The following CAMTA1 variants were observed in gnomAD, a reference collection of about 807,000 sequenced individuals.
CAMTA1 encodes calmodulin-binding transcription activator 1.
Under a neutral mutation model 170.9 loss-of-function variants are expected in CAMTA1, and 27 were observed. That is an observed-to-expected ratio of 0.16 (90% confidence interval 0.12 to 0.22). The LOEUF is 0.22. CAMTA1 is among the 10% of genes least tolerant of loss of function. The pLI is 1.00. For synonymous variants in CAMTA1, 833 were observed against 891.5 expected (o/e 0.93, Z 1.17); for missense variants, 1,619 against 2,217.2 (o/e 0.73, Z 5.42).
At chr1:6,823,749 C>T in intron 2 of CAMTA1, among the ~76,000 whole-genome samples, 1 of 152,034 alleles carries the variant, frequency 6.6e-6, no homozygotes. Context: ...TGTTTTTCAT[C>T]TGTTCAAAAA....
chr1:6,995,295 C>CTTTTCTTTTTTTTTTTT (rs1697047615), intron 3 of CAMTA1, among the ~76,000 whole-genome samples: 2 of 60,620 alleles, frequency 3.3e-5, no homozygotes, highest in Non-Finnish European at 5.8e-5. Flanking sequence ...TTTTTCTTTT[C>CTTTTCTTTTTTTTTTTT]TTTTTTTTTT....
intron 4 of CAMTA1, among the ~76,000 whole-genome samples, chr1:7,186,752 C>T (rs781060465): frequency 5.9e-5 from 9 of 152,082 alleles, no homozygotes; most frequent in Non-Finnish European, 1.3e-4. Flanking sequence ...AACTATGTGC[C>T]AGGCACTATT....
In CAMTA1 at chr1:7,724,081, A is replaced by G. The variant is rs151040831; in HGVS notation, c.2915-8367A>G. On this transcript the variant is annotated intron_variant, in intron 11 of 22. Coordinates refer to ENST00000303635, the MANE Select transcript of CAMTA1 (RefSeq NM_015215.4). ...TGATCCACCGGCCTCAGCCTCCCAA[A>G]GTGCTGGGATTACAGGCGCGAGCCA... Among the ~76,000 whole-genome samples the G allele has an allele frequency of 5.3e-3, 802 of 152,316 alleles. 6 individuals are homozygous for G. Among genetic ancestry groups the G allele is most frequent in the African/African-American group, 0.017 (695 of 41,590 alleles).
At chr1:7,464,570 G>T (rs1348143990) in intron 5 of CAMTA1, among the ~76,000 whole-genome samples, 3 of 152,208 alleles carry the variant, frequency 2.0e-5, no homozygotes, top group Non-Finnish European at 2.9e-5. Flanking sequence ...TCAGGGCTGG[G>T]CTGTAGGGTG....
At chr1:7,295,449 C>T (rs949507569) in intron 5 of CAMTA1, among the ~76,000 whole-genome samples, 4 of 152,190 alleles carry the variant, frequency 2.6e-5, no homozygotes, top group African/African-American at 7.2e-5. Context: ...TTTGGATCTG[C>T]ACAGTGGTAC....
In CAMTA1 at chr1:7,423,064, A is replaced by C. The variant is rs150943831; in HGVS notation, c.439-44766A>C. Among the ~76,000 whole-genome samples the C allele has an allele frequency of 6.0e-3, 908 of 152,198 alleles. 5 individuals are homozygous for C. The highest frequency in any genetic ancestry group is 0.014 in the Middle Eastern group (4 of 294). The stretch of plus-strand genomic sequence containing the variant: ...CCGATTACTACCAATAAGGCTCATG[A>C]AGACAGCATGAGTTAGATGGAGTCT... On this transcript the variant is annotated intron_variant, in intron 5 of 22. Transcript: ENST00000303635.
At chr1:7,235,681 C>T (rs1166632029) in intron 4 of CAMTA1, among the ~76,000 whole-genome samples, 3 of 152,168 alleles carry the variant, frequency 2.0e-5, no homozygotes. Flanking sequence ...CGAAGCTCTT[C>T]GGAAGCACCA....
chr1:6,847,182 T>C, intron 3 of CAMTA1, among the ~76,000 whole-genome samples: 1 of 151,944 alleles, frequency 6.6e-6, no homozygotes, highest in East Asian at 1.9e-4. Context: ...TTTTCTACTT[T>C]TTAGTAGAGA....
At chr1:7,182,176 C>T (rs1652305522) in intron 4 of CAMTA1, among the ~76,000 whole-genome samples, 1 of 152,042 alleles carries the variant, frequency 6.6e-6, no homozygotes, top group Admixed American at 6.6e-5. Context: ...AAAATTAATG[C>T]ATAAGTTCCA....
At chr1:7,488,924 C>T (rs970917745) in intron 6 of CAMTA1, among the ~76,000 whole-genome samples, 2 of 152,090 alleles carry the variant, frequency 1.3e-5, no homozygotes, top group Non-Finnish European at 2.9e-5. Context: ...CATACCCATG[C>T]ACACGTCACA....
At chr1:7,317,578 T>C (rs541345855) in intron 5 of CAMTA1, among the ~76,000 whole-genome samples, 1 of 152,326 alleles carries the variant, frequency 6.6e-6, no homozygotes, top group Non-Finnish European at 1.5e-5. Flanking sequence ...TGGCAATGAC[T>C]CTTTGTCGGT....
intron 5 of CAMTA1, among the ~76,000 whole-genome samples, chr1:7,250,960 G>C (rs1666539849): frequency 6.6e-6 from 1 of 152,218 alleles, no homozygotes; most frequent in African/African-American, 2.4e-5. Context: ...ATCGCAGGGA[G>C]CCAAAGGAGG....
At chr1:7,131,390 C>T (rs192055772) in intron 4 of CAMTA1, among the ~76,000 whole-genome samples, 4 of 152,242 alleles carry the variant, frequency 2.6e-5, no homozygotes, top group Admixed American at 2.6e-4. Context: ...AAATCCTTGT[C>T]AAATCCAAGA....
chr1:7,471,533 G>T (rs1273809189), intron 6 of CAMTA1, among the ~76,000 whole-genome samples: 2 of 152,340 alleles, frequency 1.3e-5, no homozygotes, highest in African/African-American at 4.8e-5. Context: ...CAGCTGACAG[G>T]GCCTTCAGGC....
chr1:6,820,397 T>A (rs1646351414), intron 2 of CAMTA1, 147 bp downstream of exon 2: 1 of 693,294 alleles, frequency 1.4e-6, no homozygotes, highest in Non-Finnish European at 2.4e-6. Context: ...TTAGATGAGT[T>A]ACTTAATCCT....
At chr1:7,069,673 T>C (rs1638343087) in intron 3 of CAMTA1, among the ~76,000 whole-genome samples, 1 of 151,930 alleles carries the variant, frequency 6.6e-6, no homozygotes. Context: ...CAGCAGGCTC[T>C]GGGGGTGCTG....
chr1:7,270,451 C>T (rs964728573), intron 5 of CAMTA1, among the ~76,000 whole-genome samples: 8 of 151,740 alleles, frequency 5.3e-5, no homozygotes, highest in Admixed American at 2.0e-4. Flanking sequence ...CCCACCACCA[C>T]GCCTGGCTAA....
chr1:7,352,163 G>A (rs2084728262), intron 5 of CAMTA1, among the ~76,000 whole-genome samples: 1 of 151,940 alleles, frequency 6.6e-6, no homozygotes, highest in South Asian at 2.1e-4. Context: ...GAAGAGGGAG[G>A]AGAGAAGGAG....
At chr1:6,862,933 C>T (rs765435484) in intron 3 of CAMTA1, among the ~76,000 whole-genome samples, 15 of 152,014 alleles carry the variant, frequency 9.9e-5, no homozygotes, top group Admixed American at 2.0e-4. Context: ...CTATTTTCTT[C>T]GGGAAAAAAG....
Sources: gnomAD v4.1 joint callset for allele counts (sites outside exome capture counted in the v4.1 genomes callset) on GRCh38, gnomAD v4.1.1 for gene constraint, MANE v1.5 for transcripts, NCBI Gene and HGNC (gene_info 2026-07-23, HGNC 2026-07-21) for gene names.